The following ZNF365 variants were observed in gnomAD, a reference collection of about 807,000 sequenced individuals.
ZNF365 encodes protein ZNF365.
A neutral mutation model predicts 35.0 loss-of-function variants in ZNF365; 22 were observed. The ratio of observed to expected loss-of-function variants is 0.63; its 90% CI spans 0.45 to 0.90. ZNF365 has a LOEUF of 0.90. Among genes scored for constraint, ZNF365 ranks in the 40% least tolerant of loss-of-function variants. The pLI is 0.00. For missense variants in ZNF365, 448 were observed against 500.3 expected (o/e 0.90, Z 1.00); for synonymous variants, 188 against 196.2 (o/e 0.96, Z 0.35).
chr10:62,469,024 G>A (rs966176539), intron 4 of ZNF365, among the ~76,000 whole-genome samples: 1 of 152,180 alleles, frequency 6.6e-6, no homozygotes, highest in African/African-American at 2.4e-5. Context: ...CACAATCAAA[G>A]CAATGGCTAC....
rs150156800 is a variant in ZNF365, at chr10:62,384,023, AT to A, written c.744-4362del. 4.3e-3 allele frequency among the ~76,000 whole-genome samples: 594 copies of A among 138,964 alleles called. 3 individuals are homozygous for A. The highest frequency in any genetic ancestry group is 0.012 in the African/African-American group (438 of 37,804). The allele number at this position is 138,964 out of a possible 152,430, so 91.2% of individuals were successfully genotyped here. A position where few individuals can be genotyped will look rare whatever the true frequency, so the allele number is the denominator to read the frequency against. On this transcript the variant is annotated intron_variant, in intron 2 of 4. Coordinates refer to ENST00000395254, the MANE Select transcript of ZNF365 (RefSeq NM_014951.3). ...GGTCAGTTTCTTATATTGTACTGGT[AT>A]TTTTTTTTTTAGTGTCAAATATTGC...
chr10:62,376,463 C>T lies in ZNF365; in HGVS notation c.270C>T (p.Asn90=), dbSNP rs1839331181. The part of the protein sequence containing the change: ...LKPGKLQSSG[N]VVKQKPSYVN... The stretch of plus-strand genomic sequence containing the variant: ...CGGGAAAATTGCAGAGCAGTGGCAA[C>T]GTGGTAAAGCAGAAACCGAGCTATG... The change falls in exon 2 of 5, where the codon AAC becomes AAT. Residue 90 remains asparagine, a synonymous_variant. Transcript: ENST00000395254. 8 of 1,614,002 alleles carry T rather than the reference C, an allele frequency of 5.0e-6. No homozygotes were observed. Among genetic ancestry groups the T allele is most frequent in the South Asian group, 2.2e-5 (2 of 91,094 alleles).
rs1029410527 is a variant in ZNF365 at position 62,388,521 on chromosome 10, A to G, written c.869A>G (p.Glu290Gly). 6.2e-7 allele frequency: 1 copy of G among 1,614,100 alleles called. No homozygotes were observed. The highest frequency in any genetic ancestry group is 8.5e-7 in the Non-Finnish European group (1 of 1,180,030). ...GTAGAACTGGCGGAGAAGCAGCTTGAGTACTATCAGAGCCAGCAGGCCTCT... is the reference window on the plus strand; with the variant it reads ...GTAGAACTGGCGGAGAAGCAGCTTGGGTACTATCAGAGCCAGCAGGCCTCT... ...QRVELAEKQL[E>G]YYQSQQASGF... Residue 290 changes from glutamate (E) to glycine (G), a missense_variant, in exon 3 of 5, where the codon GAG (glutamate) becomes GGG (glycine). Around this residue, in one of 3 missense-constraint regions of ZNF365, gnomAD observed 362 missense variants for 375.7 expected, o/e 0.96. Transcript: ENST00000395254.
intron 3 of ZNF365, among the ~76,000 whole-genome samples, chr10:62,417,037 T>C (rs1472744550): frequency 2.0e-5 from 3 of 152,094 alleles, no homozygotes; most frequent in Admixed American, 6.6e-5. Flanking sequence ...GCATAAGACT[T>C]ACTGGAAATA....
chr10:62,398,495 G>A (rs943232225), intron 3 of ZNF365, among the ~76,000 whole-genome samples: 5 of 152,122 alleles, frequency 3.3e-5, no homozygotes, highest in African/African-American at 1.2e-4. Context: ...GAGATCTGCT[G>A]ACATAGACTT....
intron 3 of ZNF365, among the ~76,000 whole-genome samples, chr10:62,424,015 C>T (rs1174634109): frequency 6.6e-6 from 1 of 151,826 alleles, no homozygotes; most frequent in Non-Finnish European, 1.5e-5. Context: ...GATAAGGGCT[C>T]GAGGTTAGGA....
rs1417356180 is a variant in ZNF365, at chr10:62,399,540, C to T, written c.975C>T (p.His325=). Residue 325 remains histidine, a synonymous_variant, in exon 5 of 5, where the codon CAC becomes CAT. Transcript: ENST00000395254. ...NRKPKCLSRG[H]PHSVCNHPDL... ...CAACCCTCTGTAGAAGCCGAGGGCA[C>T]CCGCATTCGGTATGTAACCACCCTG... 1.2e-6 allele frequency: 2 copies of T among 1,613,888 alleles called. No homozygotes were observed. The highest frequency in any genetic ancestry group is 1.3e-5 in the African/African-American group (1 of 74,868).
At chr10:62,462,229 A>ATGC (rs1840859396) in intron 4 of ZNF365, among the ~76,000 whole-genome samples, 1 of 152,232 alleles carries the variant, frequency 6.6e-6, no homozygotes, top group Non-Finnish European at 1.5e-5. Context: ...GACTGTGGTG[A>ATGC]ACTCAACTGT....
intron 3 of ZNF365, among the ~76,000 whole-genome samples, chr10:62,395,323 T>A (rs189873995): frequency 2.0e-4 from 30 of 151,404 alleles, no homozygotes; most frequent in Admixed American, 9.2e-4. Context: ...AGGCTGAGCA[T>A]CCCTGTTCCA....
chr10:62,455,504 C>G (rs899088471), intron 3 of ZNF365, among the ~76,000 whole-genome samples: 1 of 152,000 alleles, frequency 6.6e-6, no homozygotes, highest in Non-Finnish European at 1.5e-5. Context: ...ATGAAAGCAT[C>G]TATAATCCCA....
intron 4 of ZNF365, among the ~76,000 whole-genome samples, chr10:62,477,362 C>A (rs2132496483): frequency 6.6e-6 from 1 of 152,180 alleles, no homozygotes; most frequent in Non-Finnish European, 1.5e-5. Context: ...AAAAGAAAGG[C>A]AACTAGAAAG....
At chr10:62,476,080 T>A (rs1841125689) in intron 4 of ZNF365, among the ~76,000 whole-genome samples, 1 of 152,086 alleles carries the variant, frequency 6.6e-6, no homozygotes, top group Non-Finnish European at 1.5e-5. Context: ...TTTCCTGTTC[T>A]ATGTCTATTT....
chr10:62,401,026 A>G lies in ZNF365; in HGVS notation c.*1237A>G. ...TGATTTTCCTCAAGAATGAATTTCCATGTTATTTTTTCCTTAAATTTAGCA... is the reference window on the plus strand; with the variant it reads ...TGATTTTCCTCAAGAATGAATTTCCGTGTTATTTTTTCCTTAAATTTAGCA... On this transcript the variant is annotated 3_prime_UTR_variant, in exon 5 of 5. Coordinates refer to ENST00000395254, the MANE Select transcript of ZNF365 (RefSeq NM_014951.3). 4 of 985,516 alleles carry G rather than the reference A, an allele frequency of 4.1e-6. No individual in the cohort carries two copies. The highest frequency in any genetic ancestry group is 4.8e-6 in the Non-Finnish European group (4 of 829,914). 61.0% of individuals were successfully genotyped at this position (985,516 alleles called of 1,614,324 possible). A position where few individuals can be genotyped will look rare whatever the true frequency, so the allele number is the denominator to read the frequency against.
chr10:62,376,174 C>T lies in ZNF365; in HGVS notation c.-13-7C>T, dbSNP rs766393448. On this transcript the variant is annotated splice_polypyrimidine_tract_variant and splice_region_variant and intron_variant, in intron 1 of 4. Transcript: ENST00000395254. ...GACTTGTAAACTACCTATTTCCCCC[C>T]TCCCAGGACTTTTAGAGTAATGCAA... The T allele has an allele frequency of 1.9e-5, 30 of 1,612,198 alleles. No individual in the cohort carries two copies. The South Asian group carries it at 3.2e-4, about 17-fold the overall frequency.
intron 3 of ZNF365, 50 bp downstream of exon 3, chr10:62,388,626 A>G: frequency 6.2e-7 from 1 of 1,602,284 alleles, no homozygotes; most frequent in Non-Finnish European, 8.5e-7. Context: ...GTGGTTGGTG[A>G]GAATGGGCTG....
chr10:62,379,389 A>G (rs1421129590), intron 2 of ZNF365, among the ~76,000 whole-genome samples: 1 of 152,212 alleles, frequency 6.6e-6, no homozygotes, highest in Admixed American at 6.5e-5. Context: ...TAAAAAAAGA[A>G]AACAAAGTGT....
rs143948855 is a variant in ZNF365, at chr10:62,456,213, G to A, written c.925-3528G>A. 2.9e-3 allele frequency among the ~76,000 whole-genome samples: 441 copies of A among 151,934 alleles called. 1 individual carries two copies. The highest frequency in any genetic ancestry group is 0.01 in the African/African-American group (424 of 41,412). On this transcript the variant is annotated intron_variant, in intron 3 of 4. Coordinates refer to the ZNF365 transcript ENST00000395255. ...CCAACTGCTGCTAGTGGCCACCCAT[G>A]GGACACCACAGATCTCCATAAGATA...
At chr10:62,445,020 G>A (rs1219082539) in intron 3 of ZNF365, among the ~76,000 whole-genome samples, 2 of 151,808 alleles carry the variant, frequency 1.3e-5, no homozygotes, top group South Asian at 2.1e-4. Flanking sequence ...GTGAGAACAC[G>A]AGGTGTTTGG....
At chr10:62,396,669 T>C (rs889985719) in intron 3 of ZNF365, among the ~76,000 whole-genome samples, 4 of 152,224 alleles carry the variant, frequency 2.6e-5, no homozygotes, top group Admixed American at 1.3e-4. Flanking sequence ...TCTAAAAACA[T>C]TTTTGAAATC....
Sources: gnomAD v4.1 joint callset for allele counts (sites outside exome capture counted in the v4.1 genomes callset) on GRCh38, gnomAD v4.1.1 for gene constraint, gnomAD v4.1.1 regional missense constraint, MANE v1.5 for transcripts, NCBI Gene and HGNC (gene_info 2026-07-23, HGNC 2026-07-21) for gene names.